Variants in LDLRAD4 observed in about 807,000 individuals in gnomAD.
The protein encoded by LDLRAD4 is low density lipoprotein receptor class A domain containing 4, also known as low-density lipoprotein receptor class A domain-containing protein 4.
LDLRAD4 carries 5 observed loss-of-function variants against 17.0 expected under a neutral mutation model. The observed-to-expected ratio is 0.29, with a 90% CI of 0.15 to 0.62. The LOEUF is 0.62. Ranked by LOEUF, LDLRAD4 falls within the 20% of genes least tolerant of loss-of-function variation. LDLRAD4 has a pLI of 0.84. For missense variants in LDLRAD4, 340 were observed against 424.7 expected (o/e 0.80, Z 1.75); for synonymous variants, 168 against 171.8 (o/e 0.98, Z 0.17).
intron 3 of LDLRAD4, among the ~76,000 whole-genome samples, chr18:13,542,738 TG>T (rs1314460288): frequency 6.6e-6 from 1 of 152,324 alleles, no homozygotes; most frequent in East Asian, 1.9e-4. Flanking sequence ...GTTTTTCTTT[TG>T]GGTCCTTGGT....
chr18:13,421,695 G>C (rs2089469878), intron 2 of LDLRAD4, among the ~76,000 whole-genome samples: 1 of 152,110 alleles, frequency 6.6e-6, no homozygotes, highest in African/African-American at 2.4e-5. Context: ...AGTTCCCCCT[G>C]CCCCCCACCC....
intron 3 of LDLRAD4, among the ~76,000 whole-genome samples, chr18:13,570,020 CT>C (rs1260118954): frequency 2.0e-5 from 3 of 152,168 alleles, no homozygotes; most frequent in Admixed American, 6.5e-5. Context: ...AGCTGCTGGG[CT>C]TAGAAAGTGT....
At chr18:13,284,949 G>A (rs2045529141) in intron 1 of LDLRAD4, among the ~76,000 whole-genome samples, 1 of 152,124 alleles carries the variant, frequency 6.6e-6, no homozygotes, top group Non-Finnish European at 1.5e-5. Context: ...GGCGTCCTTT[G>A]GGGATGTGGC....
intron 2 of LDLRAD4, among the ~76,000 whole-genome samples, chr18:13,421,496 T>A (rs942924512): frequency 6.6e-6 from 1 of 152,104 alleles, no homozygotes; most frequent in Non-Finnish European, 1.5e-5. Context: ...TCTAAGGTCA[T>A]GGCAAAGAGC....
intron 1 of LDLRAD4, among the ~76,000 whole-genome samples, chr18:13,228,858 C>G (rs1250651014): frequency 2.0e-5 from 3 of 152,170 alleles, no homozygotes; most frequent in African/African-American, 7.2e-5. Flanking sequence ...TGTACAGTTA[C>G]AACTAGCTAT....
At chr18:13,521,622 A>T (rs2093954346) in intron 3 of LDLRAD4, 2 of 151,938 alleles carry the variant, frequency 1.3e-5, no homozygotes, top group Admixed American at 1.3e-4. Flanking sequence ...GGAAGAAGGG[A>T]GCAGTTGCTG....
intron 2 of LDLRAD4, among the ~76,000 whole-genome samples, chr18:13,437,746 A>G (rs1011530636): frequency 4.6e-5 from 7 of 152,248 alleles, no homozygotes; most frequent in African/African-American, 1.7e-4. Context: ...TATGTTGTCC[A>G]GATTCTCACC....
At chr18:13,221,804 C>T (rs574361524) in intron 1 of LDLRAD4, among the ~76,000 whole-genome samples, 1 of 152,242 alleles carries the variant, frequency 6.6e-6, no homozygotes, top group East Asian at 1.9e-4. Flanking sequence ...GAAGACTTTT[C>T]TTTCCACCAA....
At chr18:13,418,440 T>G (rs968380877) in intron 2 of LDLRAD4, among the ~76,000 whole-genome samples, 1 of 152,240 alleles carries the variant, frequency 6.6e-6, no homozygotes, top group Non-Finnish European at 1.5e-5. Context: ...TCCTGCCTGA[T>G]GGACCCTTAA....
chr18:13,223,788 G>A (rs1044641402), intron 1 of LDLRAD4, among the ~76,000 whole-genome samples: 1 of 152,158 alleles, frequency 6.6e-6, no homozygotes, highest in Non-Finnish European at 1.5e-5. Flanking sequence ...TCCTCACAGC[G>A]GCCCTGTGAC....
intron 4 of LDLRAD4, among the ~76,000 whole-genome samples, chr18:13,626,725 G>A (rs1371168882): frequency 2.0e-5 from 3 of 152,226 alleles, no homozygotes; most frequent in African/African-American, 7.2e-5. Context: ...GCCCCACCCA[G>A]CACAGCTGGG....
intron 1 of LDLRAD4, chr18:13,241,893 A>T (rs1164677597): frequency 6.6e-6 from 1 of 152,266 alleles, no homozygotes; most frequent in Admixed American, 6.5e-5. Context: ...ACTGTGATTA[A>T]AAATAAATGT....
At chr18:13,553,946 C>A (rs2094459719) in intron 3 of LDLRAD4, among the ~76,000 whole-genome samples, 1 of 152,162 alleles carries the variant, frequency 6.6e-6, no homozygotes, top group African/African-American at 2.4e-5. Flanking sequence ...GAGTGACCTC[C>A]CCATCCAAGG....
At chr18:13,443,429 C>G (rs2091164266) in intron 3 of LDLRAD4, among the ~76,000 whole-genome samples, 1 of 152,154 alleles carries the variant, frequency 6.6e-6, no homozygotes. Context: ...CTTGCAAATG[C>G]CAGACGCTTC....
intron 3 of LDLRAD4, among the ~76,000 whole-genome samples, chr18:13,484,613 A>C (rs2093173554): frequency 6.6e-6 from 1 of 152,116 alleles, no homozygotes; most frequent in Non-Finnish European, 1.5e-5. Flanking sequence ...GTGACAGTGA[A>C]ACCCTGTCTC....
chr18:13,623,896 C>G (rs2040878518), intron 4 of LDLRAD4, among the ~76,000 whole-genome samples: 1 of 152,206 alleles, frequency 6.6e-6, no homozygotes. Context: ...TGCCTGTTCC[C>G]CGTATACAGT....
rs2093837748 is a variant in LDLRAD4 at position 13,514,785 on chromosome 18, C to T, written c.181+76401C>T. 2.6e-5 allele frequency: 4 copies of T among 152,208 alleles called. No individual in the cohort carries two copies. The South Asian group carries it at 8.3e-4, about 32-fold the overall frequency. The allele number at this position is 152,208 out of a possible 1,614,324, so 9.4% of individuals were successfully genotyped here. A position where few individuals can be genotyped will look rare whatever the true frequency, so the allele number is the denominator to read the frequency against. On this transcript the variant is annotated intron_variant, in intron 3 of 5. Transcript: ENST00000359446. ...GCTCATGCAGAAGCCCTGGTGAAAC[C>T]CAGGCTGGTGTTGCTGCCCAGCCTC...
At chr18:13,533,904 T>C (rs938486314) in intron 3 of LDLRAD4, among the ~76,000 whole-genome samples, 2 of 152,302 alleles carry the variant, frequency 1.3e-5, no homozygotes, top group Non-Finnish European at 2.9e-5. Flanking sequence ...TGAAATAGAA[T>C]GATGCCATGA....
exon 6 of LDLRAD4, chr18:13,650,573 C>T: frequency 2.5e-6 from 1 of 393,224 alleles, no homozygotes; most frequent in Non-Finnish European, 4.5e-6. Flanking sequence ...ATGCTCCCAC[C>T]TTTGTTGTGC....
Sources: allele counts gnomAD v4.1 joint callset (sites outside exome capture counted in the v4.1 genomes callset), GRCh38; gene constraint gnomAD v4.1.1; transcripts MANE v1.5; gene names NCBI Gene and HGNC (gene_info 2026-07-23, HGNC 2026-07-21).